Variants in AP2A2 observed in about 807,000 individuals in gnomAD.
AP2A2 encodes the protein AP-2 complex subunit alpha-2.
In AP2A2, 32 loss-of-function variants were observed where a neutral mutation model predicts 104.2. That is an observed-to-expected ratio of 0.31 (90% confidence interval 0.23 to 0.41). The LOEUF (loss-of-function observed/expected upper bound fraction) is 0.41. Among genes scored for constraint, AP2A2 ranks in the 10% least tolerant of loss-of-function variants. AP2A2 has a pLI of 1.00. For synonymous variants in AP2A2, 539 were observed against 533.3 expected (o/e 1.01, Z -0.15); for missense variants, 912 against 1,261.0 (o/e 0.72, Z 4.19).
At chr11:1,010,002 C>T (rs1856366662) in intron 21 of AP2A2, 185 bp downstream of exon 21, 11 of 661,382 alleles carry the variant, frequency 1.7e-5, no homozygotes, top group Non-Finnish European at 2.8e-5. Context: ...GGAGCATCAT[C>T]CCTAGTGCAG....
chr11:926,180 G>T, intron 1 of AP2A2, 92 bp downstream of exon 1: 1 of 939,038 alleles, frequency 1.1e-6, no homozygotes, highest in Non-Finnish European at 1.4e-6. Flanking sequence ...CTCGAGGCGG[G>T]GGTGCAGGCT....
At chr11:1,007,640 A>T in intron 17 of AP2A2, 1 of 301,628 alleles carries the variant, frequency 3.3e-6, no homozygotes, top group Non-Finnish European at 6.3e-6. Flanking sequence ...TCGCTGTTTC[A>T]GGAGCCTGCT....
intron 2 of AP2A2, among the ~76,000 whole-genome samples, chr11:960,717 C>T (rs964166874): frequency 1.3e-5 from 2 of 152,002 alleles, no homozygotes; most frequent in Non-Finnish European, 2.9e-5. Context: ...GGGGTTTCTC[C>T]ATGTTGGTCA....
Position 1,006,520 on chromosome 11 carries a change from C to T in AP2A2, c.2207-8C>T. The T allele has an allele frequency of 1.2e-6, 2 of 1,606,280 alleles. No homozygotes were observed. Among genetic ancestry groups the T allele is most frequent in the Non-Finnish European group, 1.7e-6 (2 of 1,175,444 alleles). On this transcript the variant is annotated splice_region_variant and splice_polypyrimidine_tract_variant and intron_variant, in intron 16 of 21. Transcript: ENST00000448903. ...TGTGTGTGAAAAAATTGTTTTTGTT[C>T]CTTCTAGGTCGGATGTTTATCTTTT...
chr11:1,008,272 C>G, intron 18 of AP2A2, 137 bp downstream of exon 18: 3 of 1,269,850 alleles, frequency 2.4e-6, no homozygotes, highest in Non-Finnish European at 3.1e-6. Context: ...TGGATGCGGC[C>G]TGAGCTATTG....
At chr11:962,522 CGGGAGTTCGAGACCAGCCT>C (rs1854475636) in intron 2 of AP2A2, among the ~76,000 whole-genome samples, 1 of 152,034 alleles carries the variant, frequency 6.6e-6, no homozygotes, top group Non-Finnish European at 1.5e-5. Context: ...CGATTGAGGT[CGGGAGTTCGAGACCAGCCT>C]GGCCAACATG....
At chr11:959,623 C>A in intron 2 of AP2A2, 118 bp downstream of exon 2, 2 of 693,904 alleles carry the variant, frequency 2.9e-6, no homozygotes, top group Non-Finnish European at 2.4e-6. Flanking sequence ...TCAGTTTGTA[C>A]AGTTTCTATC....
In AP2A2 at chr11:1,002,350, C is replaced by T. The variant is rs528978599; in HGVS notation, c.2124-1372C>T. 1.4e-3 allele frequency among the ~76,000 whole-genome samples: 213 copies of T among 152,366 alleles called. 1 individual carries two copies. Among genetic ancestry groups the T allele is most frequent in the Admixed American group, 6.8e-3 (104 of 15,310 alleles). ...GTTAAGCGATCTCTGCTTTGTTAGCCGCCTGCTGTGAGCAGTCCCAGGTGA... is the reference window on the plus strand; with the variant it reads ...GTTAAGCGATCTCTGCTTTGTTAGCTGCCTGCTGTGAGCAGTCCCAGGTGA... On this transcript the variant is annotated intron_variant, in intron 15 of 21. Transcript: ENST00000448903.
chr11:1,000,666 C>T (rs943291732), intron 15 of AP2A2, 68 bp downstream of exon 15: 35 of 1,468,630 alleles, frequency 2.4e-5, no homozygotes, highest in African/African-American at 7.0e-5. Context: ...CTGGTGTGGC[C>T]GCGGCCAGCT....
chr11:962,627 G>C (rs570419041), intron 2 of AP2A2, among the ~76,000 whole-genome samples: 1 of 152,262 alleles, frequency 6.6e-6, no homozygotes, highest in African/African-American at 2.4e-5. Context: ...CAGCTACTTG[G>C]GAGGCTGAGT....
At position 992,521 on chromosome 11, in the gene AP2A2, C is replaced by A; in HGVS notation, c.1288C>A (p.Leu430Met). 6.2e-7 allele frequency: 1 copy of A among 1,600,330 alleles called. No individual in the cohort carries two copies. Among genetic ancestry groups the A allele is most frequent in the Non-Finnish European group, 8.5e-7 (1 of 1,173,568 alleles). ...CCCACAGGTGCTGAAGGTCGCCATC[C>A]TGGCTGAGAAGTACGCGGTGGACTA... ...REEIVLKVAI[L>M]AEKYAVDYTW... Residue 430 changes from leucine (L) to methionine (M), a missense_variant, in exon 11 of 22, where the codon CTG becomes ATG. This residue lies in a region of AP2A2 where 350 missense variants were observed against 487.0 expected (regional missense o/e 0.72). Coordinates refer to ENST00000448903, the MANE Select transcript of AP2A2 (RefSeq NM_012305.4). This position sits in a 1 kb window ranked among gnomAD's most constrained non-coding sequence, Gnocchi z 6.4.
intron 10 of AP2A2, among the ~76,000 whole-genome samples, chr11:989,275 G>A (rs1434879405): frequency 6.6e-6 from 1 of 152,082 alleles, no homozygotes; most frequent in African/African-American, 2.4e-5. Context: ...GGAGGTTGTG[G>A]TGAGCCGAGA....
At chr11:999,803 CTTTTT>C (rs71022992) in intron 14 of AP2A2, among the ~76,000 whole-genome samples, 3 of 124,696 alleles carry the variant, frequency 2.4e-5, no homozygotes, top group Admixed American at 8.7e-5. Flanking sequence ...TTAGTTCTTT[CTTTTT>C]TTTTTTTTTT....
At chr11:971,153 G>A (rs1203813621) in intron 3 of AP2A2, among the ~76,000 whole-genome samples, 1 of 152,206 alleles carries the variant, frequency 6.6e-6, no homozygotes, top group Admixed American at 6.5e-5. Context: ...CTTGAGGACG[G>A]AGGCACAGGG....
chr11:1,005,621 C>A (rs1226877677), intron 16 of AP2A2, among the ~76,000 whole-genome samples: 1 of 152,220 alleles, frequency 6.6e-6, no homozygotes, highest in Non-Finnish European at 1.5e-5. Flanking sequence ...TGCCTTGAGC[C>A]TCCTCAGGAC....
intron 1 of AP2A2, among the ~76,000 whole-genome samples, chr11:947,431 T>C (rs1195579117): frequency 3.3e-5 from 5 of 152,168 alleles, no homozygotes; most frequent in Non-Finnish European, 7.4e-5. Context: ...GGGAAGAGCT[T>C]TATAGGAGCA....
chr11:978,756 G>A (rs544182603), intron 5 of AP2A2, among the ~76,000 whole-genome samples: 11 of 152,260 alleles, frequency 7.2e-5, no homozygotes, highest in African/African-American at 2.2e-4. Flanking sequence ...CCCAAGAAAG[G>A]TGTCATTTGC....
rs1032556172 is a variant in AP2A2, at chr11:1,000,606, G to T, written c.2123+8G>T. 1.3e-6 allele frequency: 2 copies of T among 1,539,834 alleles called. No homozygotes were observed. The highest frequency in any genetic ancestry group is 1.4e-5 in the African/African-American group (1 of 73,250). ...CGAAGACAACTTTGCCAGGTAGTCA[G>T]GTTTCCTGAGTCCTGCAGACAGGCA... is the stretch of plus-strand genomic sequence containing the variant. On this transcript the variant is annotated splice_region_variant and intron_variant, in intron 15 of 21. Coordinates refer to ENST00000448903, the MANE Select transcript of AP2A2 (RefSeq NM_012305.4).
At chr11:984,016 TAA>T (rs1308599754) in intron 6 of AP2A2, among the ~76,000 whole-genome samples, 7 of 152,174 alleles carry the variant, frequency 4.6e-5, no homozygotes, top group Non-Finnish European at 7.3e-5. Flanking sequence ...ACTTACGGCC[TAA>T]AAGTGTCACA....
Sources: allele counts gnomAD v4.1 joint callset (sites outside exome capture counted in the v4.1 genomes callset), GRCh38; gene constraint gnomAD v4.1.1; regional missense constraint gnomAD v4.1.1; non-coding constraint Gnocchi (gnomAD v3.1); transcripts MANE v1.5; gene names NCBI Gene and HGNC (gene_info 2026-07-23, HGNC 2026-07-21).